The following TNFRSF1B variants were observed in gnomAD, a reference collection of about 807,000 sequenced individuals.
TNFRSF1B encodes the protein TNF receptor superfamily member 1B.
In TNFRSF1B, 19 loss-of-function variants were observed where a neutral mutation model predicts 44.6. The ratio of observed to expected loss-of-function variants is 0.43; its 90% CI spans 0.30 to 0.62. The LOEUF (loss-of-function observed/expected upper bound fraction) is 0.62. Ranked by LOEUF, TNFRSF1B falls within the 20% of genes least tolerant of loss-of-function variation. TNFRSF1B has a pLI of 0.16. For synonymous variants in TNFRSF1B, 252 were observed against 261.1 expected (o/e 0.97, Z 0.34); for missense variants, 541 against 619.9 (o/e 0.87, Z 1.35).
Position 12,202,134 on chromosome 1 carries a change from T to G in TNFRSF1B, c.1068T>G (p.Ser356Arg). 6.4e-7 allele frequency: 1 copy of G among 1,559,106 alleles called. No homozygotes were observed. The highest frequency in any genetic ancestry group is 8.7e-7 in the Non-Finnish European group (1 of 1,152,142). The change falls in exon 9 of 10, where the codon AGT becomes AGG. Residue 356 changes from serine (S) to arginine (R), a missense_variant. Ser to Arg is a moderately radical substitution (Grantham distance 110). Coordinates refer to ENST00000376259, the MANE Select transcript of TNFRSF1B (RefSeq NM_001066.3). The stretch of plus-strand genomic sequence containing the variant: ...CACAGGCACCAGGCGTGGAGGCCAG[T>G]GGGGCCGGGGAGGCCCGGGCCAGCA... ...NQPQAPGVEASGAGEARASTG... is the reference protein window; with the variant it reads ...NQPQAPGVEARGAGEARASTG...
chr1:12,172,163 T>A (rs1309257261), intron 1 of TNFRSF1B, among the ~76,000 whole-genome samples: 2 of 152,060 alleles, frequency 1.3e-5, no homozygotes, highest in Non-Finnish European at 2.9e-5. Context: ...GGAGGGAAGC[T>A]GGGGTTTGGG....
chr1:12,202,642 C>T (rs1400596703), intron 9 of TNFRSF1B, among the ~76,000 whole-genome samples: 1 of 152,248 alleles, frequency 6.6e-6, no homozygotes, highest in Non-Finnish European at 1.5e-5. Context: ...GATAATTAAT[C>T]ATAACAATCG....
intron 1 of TNFRSF1B, among the ~76,000 whole-genome samples, chr1:12,183,841 A>G (rs546583909): frequency 6.7e-6 from 1 of 150,126 alleles, no homozygotes; most frequent in East Asian, 2.0e-4. Flanking sequence ...CTATCTATCT[A>G]TCTATCTATC....
chr1:12,202,108 C>A lies in TNFRSF1B; in HGVS notation c.1042C>A (p.Pro348Thr), dbSNP rs756642899. The A allele has an allele frequency of 4.8e-5, 76 of 1,573,284 alleles. No individual in the cohort carries two copies. The highest frequency in any genetic ancestry group is 5.2e-5 in the Non-Finnish European group (60 of 1,159,976). The change falls in exon 9 of 10, where the codon CCA becomes ACA. Residue 348 changes from proline (P) to threonine (T), a missense_variant. Physicochemically the swap from Pro to Thr is conservative, Grantham distance 38. Coordinates refer to ENST00000376259, the MANE Select transcript of TNFRSF1B (RefSeq NM_001066.3). ...CAGAAGGGCGCCCACTCGGAACCAGCCACAGGCACCAGGCGTGGAGGCCAG... is the reference window on the plus strand; with the variant it reads ...CAGAAGGGCGCCCACTCGGAACCAGACACAGGCACCAGGCGTGGAGGCCAG... ...LDRRAPTRNQ[P>T]QAPGVEASGA...
chr1:12,180,552 A>G lies in TNFRSF1B; in HGVS notation c.79-8244A>G, dbSNP rs1638775770. On this transcript the variant is annotated intron_variant, in intron 1 of 9. Coordinates refer to ENST00000376259, the MANE Select transcript of TNFRSF1B (RefSeq NM_001066.3). The surrounding 1 kb of genome is among the most constrained non-coding windows in gnomAD (Gnocchi z 4.3). ...AAGAGCTGACGCAAACTCCAGAATC[A>G]GACCTGCCCTGGCCACCTGGCCCTG... 6.6e-6 allele frequency among the ~76,000 whole-genome samples: 1 copy of G among 152,220 alleles called. No homozygotes were observed. The highest frequency in any genetic ancestry group is 2.4e-5 in the African/African-American group (1 of 41,470).
intron 9 of TNFRSF1B, among the ~76,000 whole-genome samples, chr1:12,203,276 G>A (rs1486767431): frequency 6.6e-6 from 1 of 152,204 alleles, no homozygotes; most frequent in Non-Finnish European, 1.5e-5. Context: ...CCTTGCCAGG[G>A]CTGGTGAGAG....
At chr1:12,172,056 C>T (rs1204752875) in intron 1 of TNFRSF1B, among the ~76,000 whole-genome samples, 1 of 152,102 alleles carries the variant, frequency 6.6e-6, no homozygotes, top group Non-Finnish European at 1.5e-5. Flanking sequence ...CCAAATTGCT[C>T]ACCCCCTCGA....
chr1:12,203,727 T>G (rs75693457), intron 9 of TNFRSF1B, among the ~76,000 whole-genome samples: 1 of 149,632 alleles, frequency 6.7e-6, no homozygotes, highest in Non-Finnish European at 1.5e-5. Context: ...TTCGTCTGAT[T>G]TTTTTTTTTT....
At position 12,169,077 on chromosome 1, in the gene TNFRSF1B, T is replaced by C. The variant is rs1638464336; in HGVS notation, c.78+1908T>C. 6.6e-6 allele frequency among the ~76,000 whole-genome samples: 1 copy of C among 152,184 alleles called. No individual in the cohort carries two copies. Among genetic ancestry groups the C allele is most frequent in the Non-Finnish European group, 1.5e-5 (1 of 68,028 alleles). On this transcript the variant is annotated intron_variant, in intron 1 of 9. Coordinates refer to ENST00000376259, the MANE Select transcript of TNFRSF1B (RefSeq NM_001066.3). This position sits in a 1 kb window ranked among gnomAD's most constrained non-coding sequence, Gnocchi z 4.5. ...CAAGGGACACTTCTTACCCCTATCC[T>C]TCAAGGCCTTCTGCAAATGCCATTC...
Position 12,193,975 on chromosome 1 carries a change from G to A in TNFRSF1B, c.808G>A (p.Ala270Thr), listed in dbSNP as rs1271544700. 1.2e-6 allele frequency: 2 copies of A among 1,613,916 alleles called. No individual in the cohort carries two copies. Among genetic ancestry groups the A allele is most frequent in the African/African-American group, 2.7e-5 (2 of 74,898 alleles). The change falls in exon 7 of 10, where the codon GCC (alanine) becomes ACC (threonine). Residue 270 changes from alanine (A) to threonine (T), a missense_variant. Physicochemically the swap from Ala to Thr is moderately conservative, Grantham distance 58. Transcript: ENST00000376259. The stretch of plus-strand genomic sequence containing the variant: ...TCTAGGACTGATTGTGGGTGTGACA[G>A]CCTTGGGTCTACTAATAATAGGAGT... ...LPVGLIVGVT[A>T]LGLLIIGVVN...
chr1:12,183,826 C>CTAT lies in TNFRSF1B; in HGVS notation c.79-4970_79-4969insTAT, dbSNP rs1557629489. On this transcript the variant is annotated intron_variant, in intron 1 of 9. Coordinates refer to ENST00000376259, the MANE Select transcript of TNFRSF1B (RefSeq NM_001066.3). ...TCTAGCTATCTATCTATTCTATCTACCTATCTATCTATCTATCTATCTATC... is the reference window on the plus strand; with the variant it reads ...TCTAGCTATCTATCTATTCTATCTACTATCTATCTATCTATCTATCTATCTATC... 1.5e-3 allele frequency among the ~76,000 whole-genome samples: 189 copies of CTAT among 124,450 alleles called. 3 individuals carry two copies. Among genetic ancestry groups the CTAT allele is most frequent in the Non-Finnish European group, 2.2e-3 (123 of 55,162 alleles). 81.6% of individuals were successfully genotyped at this position (124,450 alleles called of 152,430 possible). A position where few individuals can be genotyped will look rare whatever the true frequency, so the allele number is the denominator to read the frequency against.
chr1:12,183,579 TCTAG>T (rs1638859729), intron 1 of TNFRSF1B, among the ~76,000 whole-genome samples: 1 of 151,380 alleles, frequency 6.6e-6, no homozygotes, highest in African/African-American at 2.4e-5. Flanking sequence ...CTATCATCTA[TCTAG>T]CTATCTTTCT....
At chr1:12,205,575 C>A (rs562911050) in intron 9 of TNFRSF1B, among the ~76,000 whole-genome samples, 1 of 152,254 alleles carries the variant, frequency 6.6e-6, no homozygotes, top group South Asian at 2.1e-4. Flanking sequence ...GCTTCCATAG[C>A]CCACCATGCA....
At chr1:12,184,972 T>C (rs505844) in intron 1 of TNFRSF1B, among the ~76,000 whole-genome samples, 35,077 of 152,042 alleles carry the variant, frequency 0.23, 4,181 homozygotes, top group South Asian at 0.26. Context: ...GAGGCAGCTG[T>C]GTCTGGGAGG....
At chr1:12,200,706 T>C (rs1639370153) in intron 8 of TNFRSF1B, among the ~76,000 whole-genome samples, 1 of 151,708 alleles carries the variant, frequency 6.6e-6, no homozygotes, top group Non-Finnish European at 1.5e-5. Flanking sequence ...CACCACAACC[T>C]CTGCCTCCCA....
At chr1:12,206,677 G>C in intron 9 of TNFRSF1B, 63 bp from the exon 10 acceptor site, 1 of 1,484,998 alleles carries the variant, frequency 6.7e-7, no homozygotes, top group South Asian at 1.4e-5. Context: ...ATCTTGGGCA[G>C]GGGTCCCTGG....
rs540172683 is a variant in TNFRSF1B, at chr1:12,181,231, C to T, written c.79-7565C>T. Among the ~76,000 whole-genome samples, 8 of 152,296 alleles carry T rather than the reference C, an allele frequency of 5.3e-5. No homozygotes were observed. In the East Asian group the frequency reaches 5.8e-4, roughly 11 times the overall value. ...AACACCCCACTAAAGCCGGGCAGTT[C>T]GCTGCCCTGGGGTGTGTTCTCGCCT... On this transcript the variant is annotated intron_variant, in intron 1 of 9. Transcript: ENST00000376259.
At chr1:12,193,897 C>T in intron 6 of TNFRSF1B, 58 bp from the exon 7 acceptor site, 1 of 1,466,138 alleles carries the variant, frequency 6.8e-7, no homozygotes, top group Non-Finnish European at 9.5e-7. Flanking sequence ...GCCTGGCTGG[C>T]CCCTGGTACA....
At chr1:12,174,160 T>TCTTCTTCTTCTTCTCCTTCTC (rs1553162433) in intron 1 of TNFRSF1B, among the ~76,000 whole-genome samples, 4 of 67,912 alleles carry the variant, frequency 5.9e-5, no homozygotes, top group East Asian at 8.1e-4. Context: ...TTCTTCTTCT[T>TCTTCTTCTTCTTCTCCTTCTC]CTTCTCCTTC....
Sources: allele counts gnomAD v4.1 joint callset (sites outside exome capture counted in the v4.1 genomes callset), GRCh38; gene constraint gnomAD v4.1.1; non-coding constraint Gnocchi (gnomAD v3.1); transcripts MANE v1.5; gene names NCBI Gene and HGNC (gene_info 2026-07-23, HGNC 2026-07-21).